The following NVL variants were observed in gnomAD, a reference collection of about 807,000 sequenced individuals.
NVL encodes nuclear valosin-containing protein-like.
In NVL, 84 loss-of-function variants were observed where a neutral mutation model predicts 110.2. That is an observed-to-expected ratio of 0.76 (90% CI 0.64 to 0.91). The LOEUF is 0.91. Among genes scored for constraint, NVL ranks in the 40% least tolerant of loss-of-function variants. The pLI, the probability that NVL is intolerant of heterozygous loss-of-function variation, is 0.00. For synonymous variants in NVL, 354 were observed against 361.1 expected, an observed-to-expected ratio of 0.98 and a Z score of 0.22; for missense variants, 882 against 1,035.9, an observed-to-expected ratio of 0.85 and a Z score of 2.04.
chr1:224,248,935 TG>T (rs1463742603), intron 19 of NVL, among the ~76,000 whole-genome samples: 2 of 152,122 alleles, frequency 1.3e-5, no homozygotes, highest in East Asian at 3.9e-4. Context: ...ACAGCTCCCA[TG>T]GGGGGAGGTA....
intron 18 of NVL, among the ~76,000 whole-genome samples, chr1:224,257,312 C>T (rs1246484503): frequency 6.6e-6 from 1 of 151,940 alleles, no homozygotes; most frequent in Non-Finnish European, 1.5e-5. Context: ...AAAGCTATTA[C>T]AGCTTGCCAT....
In NVL at chr1:224,329,279, T is replaced by C. The variant is rs138283656; in HGVS notation, c.57+792A>G. On this transcript the variant is annotated intron_variant, in intron 1 of 22. Transcript: ENST00000281701. ...AGATAATAGAGTATGTAGATACTAC[T>C]CAAAGGTTATTACACTAAATGAGAT... Among the ~76,000 whole-genome samples the C allele has an allele frequency of 6.6e-5, 10 of 152,206 alleles. No homozygotes were observed. The East Asian group carries it at 1.9e-3, about 29-fold the overall frequency.
intron 18 of NVL, among the ~76,000 whole-genome samples, chr1:224,252,614 C>T (rs546742058): frequency 6.6e-6 from 1 of 152,224 alleles, no homozygotes; most frequent in East Asian, 1.9e-4. Context: ...ACTTATTATT[C>T]AATGGTTTCA....
At chr1:224,291,545 T>C (rs964353440) in intron 12 of NVL, among the ~76,000 whole-genome samples, 5 of 152,322 alleles carry the variant, frequency 3.3e-5, no homozygotes, top group Non-Finnish European at 5.9e-5. Context: ...TAAACATTAC[T>C]GACAAATTTT....
intron 11 of NVL, among the ~76,000 whole-genome samples, chr1:224,294,741 G>A (rs560094259): frequency 6.6e-6 from 1 of 152,250 alleles, no homozygotes; most frequent in East Asian, 1.9e-4. Context: ...TTCCAACTGA[G>A]GAATAAGGGA....
chr1:224,310,105 C>G (rs1179041910), intron 5 of NVL, among the ~76,000 whole-genome samples: 1 of 148,950 alleles, frequency 6.7e-6, no homozygotes, highest in African/African-American at 2.5e-5. Flanking sequence ...GAGCCGAGAT[C>G]GCACCACTGC....
chr1:224,262,432 A>C (rs1273239214), intron 18 of NVL, among the ~76,000 whole-genome samples: 1 of 152,176 alleles, frequency 6.6e-6, no homozygotes, highest in African/African-American at 2.4e-5. Flanking sequence ...TCTACTTCCT[A>C]CATAATCTTT....
chr1:224,227,759 G>T, intron 22 of NVL, 89 bp from the exon 23 acceptor site: 1 of 1,176,096 alleles, frequency 8.5e-7, no homozygotes, highest in Non-Finnish European at 1.2e-6. Flanking sequence ...GCTGCAGTCC[G>T]CACCCGCAGG....
At chr1:224,303,660 A>C in intron 9 of NVL, 63 bp downstream of exon 9, 1 of 1,559,912 alleles carries the variant, frequency 6.4e-7, no homozygotes, top group Non-Finnish European at 8.7e-7. Flanking sequence ...ACCAAAGAGA[A>C]AAAACAAAAA....
chr1:224,303,937 T>C, intron 8 of NVL, 80 bp from the exon 9 acceptor site: 1 of 1,453,404 alleles, frequency 6.9e-7, no homozygotes, highest in Non-Finnish European at 9.2e-7. Flanking sequence ...TTCGGAGCAG[T>C]GAAATGGAGT....
chr1:224,292,445 CACTGG>C (rs2102645302), intron 12 of NVL, among the ~76,000 whole-genome samples: 1 of 152,246 alleles, frequency 6.6e-6, no homozygotes, highest in African/African-American at 2.4e-5. Flanking sequence ...ATGTTAAAAA[CACTGG>C]ACAAGGACCA....
chr1:224,231,065 A>G (rs1292862613), intron 22 of NVL, among the ~76,000 whole-genome samples, 161 bp downstream of exon 22: 1 of 151,778 alleles, frequency 6.6e-6, no homozygotes, highest in African/African-American at 2.4e-5. Flanking sequence ...CCCGGGAGGC[A>G]GAGCTTGCAG....
intron 6 of NVL, among the ~76,000 whole-genome samples, chr1:224,306,745 A>G (rs954104663): frequency 6.6e-6 from 1 of 152,002 alleles, no homozygotes; most frequent in Middle Eastern, 3.4e-3. Context: ...AGGTGGGGGG[A>G]TGGCTTATGC....
At chr1:224,293,611 T>C (rs1473234056) in intron 12 of NVL, among the ~76,000 whole-genome samples, 2 of 152,214 alleles carry the variant, frequency 1.3e-5, no homozygotes, top group Non-Finnish European at 2.9e-5. Context: ...TAGGTTAAAG[T>C]ATGGTACTCA....
intron 11 of NVL, among the ~76,000 whole-genome samples, chr1:224,294,778 G>A (rs1667718290): frequency 6.6e-6 from 1 of 152,124 alleles, no homozygotes; most frequent in Non-Finnish European, 1.5e-5. Flanking sequence ...TAACATTTCA[G>A]AAAAGGCTTG....
In NVL at chr1:224,304,761, A is replaced by T; in HGVS notation, c.800T>A (p.Val267Glu). The T allele has an allele frequency of 6.2e-7, 1 of 1,614,040 alleles. No individual in the cohort carries two copies. Among genetic ancestry groups the T allele is most frequent in the Non-Finnish European group, 8.5e-7 (1 of 1,179,940 alleles). ...TTTTAATGTCATATCATTGCCTCCCACATCTTCAAACTTCACGTTGGAGAT... is the reference window on the plus strand; with the variant it reads ...TTTTAATGTCATATCATTGCCTCCCTCATCTTCAAACTTCACGTTGGAGAT... ...FQISNVKFED[V>E]GGNDMTLKEV... The change falls in exon 8 of 23, where the codon GTG (valine) becomes GAG (glutamate). Residue 267 changes from valine (V) to glutamate (E), a missense_variant. Transcript: ENST00000281701.
At chr1:224,313,034 C>A in intron 4 of NVL, 1 of 365,858 alleles carries the variant, frequency 2.7e-6, no homozygotes, top group Non-Finnish European at 5.7e-6. Flanking sequence ...TGGCACACAC[C>A]TGTAATCCCA....
At chr1:224,255,782 G>A (rs763949701) in intron 18 of NVL, among the ~76,000 whole-genome samples, 12 of 152,114 alleles carry the variant, frequency 7.9e-5, no homozygotes, top group Non-Finnish European at 4.4e-5. Context: ...ATATCATATA[G>A]GAAATCTTTG....
At chr1:224,236,731 T>C in intron 19 of NVL, 149 bp from the exon 20 acceptor site, 1 of 591,250 alleles carries the variant, frequency 1.7e-6, no homozygotes, top group Non-Finnish European at 3.1e-6. Context: ...TGGAACATGG[T>C]AAAACCCCAT....
Sources: gnomAD v4.1 joint callset for allele counts (sites outside exome capture counted in the v4.1 genomes callset) on GRCh38, gnomAD v4.1.1 for gene constraint, MANE v1.5 for transcripts, NCBI Gene and HGNC (gene_info 2026-07-23, HGNC 2026-07-21) for gene names.